The following CNST variants were observed in gnomAD, a reference collection of about 807,000 sequenced individuals.
The protein encoded by CNST is consortin, connexin sorting protein, also known as consortin.
A neutral mutation model predicts 72.4 loss-of-function variants in CNST; 39 were observed. The observed-to-expected ratio is 0.54, with a 90% CI of 0.42 to 0.70. CNST has a LOEUF of 0.70. Among genes scored for constraint, CNST ranks in the 30% least tolerant of loss-of-function variants. CNST has a pLI of 0.00. For synonymous variants in CNST, 332 were observed against 320.1 expected (o/e 1.04, Z -0.40); for missense variants, 871 against 868.5 (o/e 1.00, Z -0.04).
chr1:246,611,276 T>G (rs1663299632), intron 2 of CNST, among the ~76,000 whole-genome samples: 1 of 152,144 alleles, frequency 6.6e-6, no homozygotes. Flanking sequence ...GTCACTGTCT[T>G]GTTCAGGCAT....
chr1:246,600,458 T>G lies in CNST; in HGVS notation c.379+8517T>G, dbSNP rs572263918. 3.9e-5 allele frequency among the ~76,000 whole-genome samples: 6 copies of G among 152,312 alleles called. No individual in the cohort carries two copies. The East Asian group carries it at 1.2e-3, about 29-fold the overall frequency. Reference sequence around the variant, plus strand: ...AATACAGAGTTAAGGGGTTTTACAGTAACATCTGCCAGAGATGCTGGTGAT... The same window carrying G: ...AATACAGAGTTAAGGGGTTTTACAGGAACATCTGCCAGAGATGCTGGTGAT... On this transcript the variant is annotated intron_variant, in intron 2 of 10. Coordinates refer to ENST00000366513, the MANE Select transcript of CNST (RefSeq NM_152609.3).
chr1:246,588,452 A>T (rs987594890), intron 1 of CNST, among the ~76,000 whole-genome samples: 3 of 152,196 alleles, frequency 2.0e-5, no homozygotes, highest in Non-Finnish European at 4.4e-5. Flanking sequence ...ATCTATATCC[A>T]GGAAATACCT....
At chr1:246,584,203 C>G (rs1660990268) in intron 1 of CNST, among the ~76,000 whole-genome samples, 1 of 152,218 alleles carries the variant, frequency 6.6e-6, no homozygotes, top group African/African-American at 2.4e-5. Flanking sequence ...TGCTGAGCCA[C>G]CATGCCCAGC....
chr1:246,638,661 G>A (rs1294434042), intron 6 of CNST, among the ~76,000 whole-genome samples: 1 of 152,152 alleles, frequency 6.6e-6, no homozygotes, highest in Non-Finnish European at 1.5e-5. Flanking sequence ...CAATAGTGTG[G>A]GCGGGTGACA....
At chr1:246,638,269 AAAG>A (rs1295697595) in intron 6 of CNST, among the ~76,000 whole-genome samples, 1 of 152,150 alleles carries the variant, frequency 6.6e-6, no homozygotes, top group Non-Finnish European at 1.5e-5. Flanking sequence ...AGTAAAGAGG[AAAG>A]AATAAGGACA....
At chr1:246,599,434 A>T (rs1662117201) in intron 2 of CNST, among the ~76,000 whole-genome samples, 1 of 152,126 alleles carries the variant, frequency 6.6e-6, no homozygotes, top group Admixed American at 6.6e-5. Flanking sequence ...GGCTTCCCAC[A>T]TTCCCCAGCT....
chr1:246,633,974 T>C lies in CNST; in HGVS notation c.667T>C (p.Leu223=), dbSNP rs537713436. 32 of 1,613,342 alleles carry C rather than the reference T, an allele frequency of 2.0e-5. No individual in the cohort carries two copies. In the South Asian group the frequency reaches 3.3e-4, roughly 17 times the overall value. ...IQLERLYHEQ[L]LANLSAIQEQ... is the part of the protein sequence containing the mutation. ...GCTAGAACGATTGTATCATGAGCAATTGCTCGCAAATCTTTCTGCCATTCA... is the reference window on the plus strand; with the variant it reads ...GCTAGAACGATTGTATCATGAGCAACTGCTCGCAAATCTTTCTGCCATTCA... The change falls in exon 5 of 11, where the codon TTG becomes CTG. Residue 223 remains leucine, a synonymous_variant. Coordinates refer to ENST00000366513, the MANE Select transcript of CNST (RefSeq NM_152609.3).
chr1:246,610,463 G>A lies in CNST; in HGVS notation c.380-10966G>A, dbSNP rs555330186. Among the ~76,000 whole-genome samples the A allele has an allele frequency of 1.1e-4, 16 of 152,072 alleles. No individual in the cohort carries two copies. In the South Asian group the frequency reaches 1.5e-3, roughly 14 times the overall value. On this transcript the variant is annotated intron_variant, in intron 2 of 10. Transcript: ENST00000366513. ...GAAATTCAATGTCTCGGCTTCTTCC[G>A]GGATGTTTTCTGTCTATGTATTTCT...
chr1:246,665,246 G>GC (rs34536227), intron 10 of CNST, among the ~76,000 whole-genome samples: 12,830 of 152,180 alleles, frequency 0.084, 624 homozygotes, highest in Middle Eastern at 0.16. Flanking sequence ...GGTGGCACAG[G>GC]CCTGTAGTCC....
At chr1:246,648,324 C>T (rs541488819) in intron 9 of CNST, 1 of 763,006 alleles carries the variant, frequency 1.3e-6, no homozygotes, top group African/African-American at 1.9e-5. Context: ...TGTTATGTGG[C>T]AGTTCCAGAT....
chr1:246,597,661 C>A (rs1234716974), intron 2 of CNST, among the ~76,000 whole-genome samples: 2 of 152,154 alleles, frequency 1.3e-5, no homozygotes, highest in Non-Finnish European at 2.9e-5. Flanking sequence ...CACAGTGTGG[C>A]CAGCTGAAGG....
chr1:246,634,816 C>G (rs1447315516), intron 6 of CNST, among the ~76,000 whole-genome samples: 1 of 152,216 alleles, frequency 6.6e-6, no homozygotes, highest in East Asian at 1.9e-4. Context: ...TGGGTGCAGA[C>G]GGGCTGAGGC....
chr1:246,617,876 T>A (rs1475904641), intron 2 of CNST, among the ~76,000 whole-genome samples: 1 of 152,234 alleles, frequency 6.6e-6, no homozygotes, highest in African/African-American at 2.4e-5. Flanking sequence ...GTATAACAAT[T>A]GCTATGATTA....
chr1:246,615,879 C>CAA (rs559404201), intron 2 of CNST, among the ~76,000 whole-genome samples: 3 of 138,708 alleles, frequency 2.2e-5, no homozygotes, highest in Non-Finnish European at 4.7e-5. Flanking sequence ...AACTCCATCT[C>CAA]AAAAAAAAAA....
intron 3 of CNST, among the ~76,000 whole-genome samples, chr1:246,626,193 G>A (rs1043036983): frequency 6.6e-6 from 1 of 151,888 alleles, no homozygotes; most frequent in African/African-American, 2.4e-5. Context: ...GGGACTGCAG[G>A]CGCATGCCAC....
At position 246,647,989 on chromosome 1, in the gene CNST, G is replaced by T; in HGVS notation, c.1788G>T (p.Glu596Asp). The change falls in exon 9 of 11, where the codon GAG becomes GAT. Residue 596 changes from glutamate (E) to aspartate (D), a missense_variant. Transcript: ENST00000366513. Reference protein sequence around the residue: ...YSLQENLPSDESCLSLDDLAK... With the variant: ...YSLQENLPSDDSCLSLDDLAK... Reference sequence around the variant, plus strand: ...TCCAGGAGAATCTGCCTTCTGATGAGAGCTGTCTTTCTCTTGATGATCTTG... The same window carrying T: ...TCCAGGAGAATCTGCCTTCTGATGATAGCTGTCTTTCTCTTGATGATCTTG... The T allele has an allele frequency of 6.2e-7, 1 of 1,613,588 alleles. No individual in the cohort carries two copies. Among genetic ancestry groups the T allele is most frequent in the South Asian group, 1.1e-5 (1 of 91,052 alleles).
At chr1:246,577,273 G>A in intron 1 of CNST, among the ~76,000 whole-genome samples, 1 of 151,956 alleles carries the variant, frequency 6.6e-6, no homozygotes, top group East Asian at 1.9e-4. Context: ...TGACTTTGTT[G>A]TTCTCACCTG....
chr1:246,621,568 G>A lies in CNST; in HGVS notation c.519G>A (p.Leu173=). 1.2e-6 allele frequency: 2 copies of A among 1,614,204 alleles called. No homozygotes were observed. Among genetic ancestry groups the A allele is most frequent in the Non-Finnish European group, 1.7e-6 (2 of 1,180,038 alleles). The stretch of plus-strand genomic sequence containing the variant: ...CGCCAAAGCTTGTTCTGCAGTCTCT[G>A]TTTTCACTTATACGAGGTGAAGTTG... ...PEAPKLVLQS[L]FSLIRGEVEQ... The change falls in exon 3 of 11, where the codon CTG becomes CTA. Residue 173 remains leucine (L), a synonymous_variant. Coordinates refer to ENST00000366513, the MANE Select transcript of CNST (RefSeq NM_152609.3).
chr1:246,627,153 C>T (rs953989298), intron 3 of CNST, among the ~76,000 whole-genome samples: 2 of 152,216 alleles, frequency 1.3e-5, no homozygotes, highest in South Asian at 4.1e-4. Context: ...AGTGCTTTCT[C>T]TCTACATGAC....
Sources: gnomAD v4.1 joint callset for allele counts (sites outside exome capture counted in the v4.1 genomes callset) on GRCh38, gnomAD v4.1.1 for gene constraint, MANE v1.5 for transcripts, NCBI Gene and HGNC (gene_info 2026-07-23, HGNC 2026-07-21) for gene names.